Variants in HS3ST5 observed in about 807,000 individuals in gnomAD.
HS3ST5 encodes heparan sulfate-glucosamine 3-sulfotransferase 5.
In HS3ST5, 10 loss-of-function variants were observed where a neutral mutation model predicts 25.4. That is an observed-to-expected ratio of 0.39 (90% CI 0.24 to 0.67). HS3ST5 has a LOEUF of 0.67. Among genes scored for constraint, HS3ST5 ranks in the 30% least tolerant of loss-of-function variants. The probability of loss-of-function intolerance (pLI) is 0.44; values close to 1 mark genes in which losing one functional copy is unlikely to be tolerated. For synonymous variants in HS3ST5, 170 were observed against 162.4 expected, an observed-to-expected ratio of 1.05 and a Z score of -0.36; for missense variants, 324 against 420.7, an observed-to-expected ratio of 0.77 and a Z score of 2.01.
chr6:114,064,678 GGAGTCCACAGTCTAGTGGA>G (rs1485093156), intron 3 of HS3ST5, among the ~76,000 whole-genome samples: 1 of 152,148 alleles, frequency 6.6e-6, no homozygotes, highest in Non-Finnish European at 1.5e-5. Context: ...TTGCCCTGTG[GGAGTCCACAGTCTAGTGGA>G]GAAGACAGGC....
intron 3 of HS3ST5, among the ~76,000 whole-genome samples, chr6:114,131,688 G>T (rs1188983396): frequency 6.6e-6 from 1 of 152,144 alleles, no homozygotes; most frequent in Admixed American, 6.5e-5. Flanking sequence ...AGAAGTCAGA[G>T]ACCTACTTGG....
chr6:114,060,826 C>G (rs950497996), intron 4 of HS3ST5, among the ~76,000 whole-genome samples: 1 of 152,088 alleles, frequency 6.6e-6, no homozygotes, highest in Non-Finnish European at 1.5e-5. Flanking sequence ...TTTTGGACTC[C>G]CTAACTCAAG....
chr6:114,340,411 G>C (rs1356857606), intron 1 of HS3ST5: 1 of 152,218 alleles, frequency 6.6e-6, no homozygotes, highest in Non-Finnish European at 1.5e-5. Flanking sequence ...CTTGGGAGAG[G>C]CCAAAGCAGT....
At chr6:114,248,359 A>T (rs1772483443) in intron 1 of HS3ST5, among the ~76,000 whole-genome samples, 1 of 151,740 alleles carries the variant, frequency 6.6e-6, no homozygotes, top group Admixed American at 6.6e-5. Context: ...AGAATACAAT[A>T]TTATGAAAGA....
chr6:114,247,071 T>G (rs887151207), intron 1 of HS3ST5, among the ~76,000 whole-genome samples: 2 of 152,276 alleles, frequency 1.3e-5, no homozygotes, highest in Non-Finnish European at 2.9e-5. Context: ...AAGTCATTTT[T>G]GTAATGCCAC....
Position 114,107,381 on chromosome 6 carries a change from G to T in HS3ST5, c.-32-44504C>A, listed in dbSNP as rs116878989. On this transcript the variant is annotated intron_variant, in intron 3 of 4. Transcript: ENST00000312719. ...CTCTCAGCAAATGAGAAATTGAAGG[G>T]AATTTCCTTGATCTGATAGAGATCA... Among the ~76,000 whole-genome samples the T allele has an allele frequency of 1.2e-3, 189 of 152,166 alleles. 2 individuals carry two copies. The East Asian group carries it at 0.035, about 28-fold the overall frequency.
At chr6:114,075,366 T>G in intron 3 of HS3ST5, among the ~76,000 whole-genome samples, 1 of 152,228 alleles carries the variant, frequency 6.6e-6, no homozygotes, top group East Asian at 1.9e-4. Flanking sequence ...CCTTGCCTCC[T>G]GCCCAAGTAG....
chr6:114,263,351 A>G (rs1435420934), intron 1 of HS3ST5, among the ~76,000 whole-genome samples: 1 of 152,136 alleles, frequency 6.6e-6, no homozygotes, highest in Non-Finnish European at 1.5e-5. Flanking sequence ...TAAGAAAAAG[A>G]TCTTCACTAT....
chr6:114,289,354 T>G (rs1328665423), intron 1 of HS3ST5, among the ~76,000 whole-genome samples: 1 of 151,998 alleles, frequency 6.6e-6, no homozygotes, highest in African/African-American at 2.4e-5. Flanking sequence ...AGTTGGTTCA[T>G]CCAAGAAACA....
intron 1 of HS3ST5, among the ~76,000 whole-genome samples, chr6:114,295,916 A>G (rs757601104): frequency 1.1e-4 from 16 of 152,194 alleles, no homozygotes; most frequent in Non-Finnish European, 5.9e-5. Context: ...GAACAGGCCC[A>G]TGTGTATGTC....
In HS3ST5 at chr6:114,244,739, T is replaced by C. The variant is rs552791219; in HGVS notation, c.-338-15961A>G. Among the ~76,000 whole-genome samples, 33 of 152,258 alleles carry C rather than the reference T, an allele frequency of 2.2e-4. No individual in the cohort carries two copies. In the East Asian group the frequency reaches 6.0e-3, roughly 28 times the overall value. ...AGACCAAAAAAAGAAAAAAATCTGT[T>C]CCTTACCATCTATAACTGATAAGGA... On this transcript the variant is annotated intron_variant, in intron 1 of 4. Transcript: ENST00000312719.
At chr6:114,103,295 C>A (rs925383157) in intron 3 of HS3ST5, among the ~76,000 whole-genome samples, 1 of 151,800 alleles carries the variant, frequency 6.6e-6, no homozygotes, top group Admixed American at 6.6e-5. Flanking sequence ...CGCACCACTG[C>A]ACTCCAGCCT....
In HS3ST5 at chr6:114,085,981, C is replaced by A. The variant is rs552243539; in HGVS notation, c.-32-23104G>T. ...CCACTTAGAGGAAAAACTTCTATAT[C>A]TGTTCTTTTATGGACATTCAAAGAT... On this transcript the variant is annotated intron_variant, in intron 3 of 4. Transcript: ENST00000312719. 8.1e-5 allele frequency among the ~76,000 whole-genome samples: 10 copies of A among 124,174 alleles called. No homozygotes were observed. In the South Asian group the frequency reaches 3.0e-3, roughly 37 times the overall value. The allele number at this position is 124,174 out of a possible 152,430, so 81.5% of individuals were successfully genotyped here.
chr6:114,149,894 G>C lies in HS3ST5; in HGVS notation c.-33+18457C>G, dbSNP rs1021455179. On this transcript the variant is annotated intron_variant, in intron 3 of 4. Coordinates refer to ENST00000312719, the MANE Select transcript of HS3ST5 (RefSeq NM_153612.4). ...GTAGTCCTGAATGATTTAAAATACTGTCCAAAATTGTGGTAATTCTGCATC... is the reference window on the plus strand; with the variant it reads ...GTAGTCCTGAATGATTTAAAATACTCTCCAAAATTGTGGTAATTCTGCATC... Among the ~76,000 whole-genome samples the C allele has an allele frequency of 1.4e-4, 21 of 152,200 alleles. 1 individual carries two copies. Among genetic ancestry groups the C allele is most frequent in the African/African-American group, 5.1e-4 (21 of 41,522 alleles).
chr6:114,321,900 G>A (rs1444904136), intron 1 of HS3ST5, among the ~76,000 whole-genome samples: 2 of 152,032 alleles, frequency 1.3e-5, no homozygotes, highest in East Asian at 3.9e-4. Flanking sequence ...TTAATAACTT[G>A]GTGACTTGAT....
intron 1 of HS3ST5, among the ~76,000 whole-genome samples, chr6:114,233,856 A>C (rs1244997820): frequency 1.5e-4 from 23 of 152,226 alleles, no homozygotes; most frequent in Non-Finnish European, 1.5e-5. Context: ...TATTTTATAT[A>C]CTAATATCAT....
chr6:114,336,160 G>A (rs1209195391), intron 1 of HS3ST5, among the ~76,000 whole-genome samples: 3 of 152,182 alleles, frequency 2.0e-5, no homozygotes, highest in Non-Finnish European at 4.4e-5. Flanking sequence ...TATGATGATG[G>A]TATGTTGATG....
chr6:114,247,184 C>T (rs758282310), intron 1 of HS3ST5, among the ~76,000 whole-genome samples: 6 of 152,180 alleles, frequency 3.9e-5, no homozygotes, highest in Non-Finnish European at 5.9e-5. Context: ...TAAGCTTACA[C>T]TGTTGTTAAT....
intron 2 of HS3ST5, among the ~76,000 whole-genome samples, chr6:114,218,972 C>A (rs1220604242): frequency 1.3e-5 from 2 of 152,108 alleles, no homozygotes; most frequent in Admixed American, 6.6e-5. Context: ...ACTTTACTTC[C>A]CAAATTAGAT....
Sources: gnomAD v4.1 joint callset for allele counts (sites outside exome capture counted in the v4.1 genomes callset) on GRCh38, gnomAD v4.1.1 for gene constraint, MANE v1.5 for transcripts, NCBI Gene and HGNC (gene_info 2026-07-23, HGNC 2026-07-21) for gene names.